MINDY1: variants seen among roughly 807,000 people sequenced by gnomAD.
MINDY1 encodes ubiquitin carboxyl-terminal hydrolase MINDY-1.
Under a neutral mutation model 53.6 loss-of-function variants are expected in MINDY1, and 50 were observed. That is an observed-to-expected ratio of 0.93 (90% CI 0.74 to 1.18). The LOEUF (loss-of-function observed/expected upper bound fraction) is 1.18, where lower values mean the gene tolerates loss of function less well. MINDY1 is among the 50% of genes most tolerant of loss of function. The pLI, the probability that MINDY1 is intolerant of heterozygous loss-of-function variation, is 0.00. For synonymous variants in MINDY1, 231 were observed against 234.7 expected (o/e 0.98, Z 0.14); for missense variants, 484 against 578.6 (o/e 0.84, Z 1.68).
At chr1:150,998,719 G>T (rs79366331) in intron 7 of MINDY1, among the ~76,000 whole-genome samples, 6,392 of 152,282 alleles carry the variant, frequency 0.042, 171 homozygotes, top group Non-Finnish European at 0.065. Context: ...ATGTCTGAGT[G>T]TATGTCCAGT....
intron 9 of MINDY1, 118 bp downstream of exon 9, chr1:150,997,506 G>A: frequency 6.4e-7 from 1 of 1,568,966 alleles, no homozygotes; most frequent in African/African-American, 1.3e-5. Context: ...GGGACAGGCA[G>A]GGGAAGGACT....
rs1284990092 is a variant in MINDY1 at position 151,000,517 on chromosome 1, C to T, written c.675G>A (p.Glu225=). 7 of 1,613,960 alleles carry T rather than the reference C, an allele frequency of 4.3e-6. No homozygotes were observed. The highest frequency in any genetic ancestry group is 5.9e-6 in the Non-Finnish European group (7 of 1,180,036). The change falls in exon 5 of 10, where the codon GAG becomes GAA. Residue 225 remains glutamate, a synonymous_variant. Coordinates refer to ENST00000683666, the MANE Select transcript of MINDY1 (RefSeq NM_001376665.1). ...TGVSDFEYTP[E]CSVFDLLGIP... is the part of the protein sequence containing the mutation. Reference sequence around the variant, plus strand: ...TGCCTAGCAGGTCAAAGACACTGCACTCGGGTGTATACTCAAAATCAGAGA... The same window carrying T: ...TGCCTAGCAGGTCAAAGACACTGCATTCGGGTGTATACTCAAAATCAGAGA...
intron 3 of MINDY1, 88 bp downstream of exon 3, chr1:151,001,637 T>C: frequency 6.8e-7 from 1 of 1,460,542 alleles, no homozygotes; most frequent in Non-Finnish European, 9.4e-7. Context: ...AACCCCCAAA[T>C]GGAGATCCCT....
chr1:151,003,111 A>G, intron 1 of MINDY1: 1 of 381,532 alleles, frequency 2.6e-6, no homozygotes, highest in South Asian at 7.1e-5. Context: ...TTACTCTAAT[A>G]GGCATCACAT....
chr1:150,998,565 C>T, intron 7 of MINDY1, among the ~76,000 whole-genome samples: 1 of 152,190 alleles, frequency 6.6e-6, no homozygotes, highest in Non-Finnish European at 1.5e-5. Context: ...ACCGTGTTAG[C>T]CAGGATGGCC....
At chr1:150,996,712 T>C (rs1336556271), downstream of MINDY1, 1 of 151,856 alleles carries the variant, frequency 6.6e-6, no homozygotes, top group Non-Finnish European at 1.5e-5. Flanking sequence ...CCAGCTAATT[T>C]CTTGTATTTT....
Position 150,999,648 on chromosome 1 carries a change from T to A in MINDY1, c.839-137A>T. 2 of 1,222,990 alleles carry A rather than the reference T, an allele frequency of 1.6e-6. No homozygotes were observed. Among genetic ancestry groups the A allele is most frequent in the Non-Finnish European group, 2.3e-6 (2 of 880,654 alleles). The allele number at this position is 1,222,990 out of a possible 1,614,324, so 75.8% of individuals were successfully genotyped here. A position where few individuals can be genotyped will look rare whatever the true frequency, so the allele number is the denominator to read the frequency against. On this transcript the variant is annotated intron_variant, in intron 6 of 9. Coordinates refer to ENST00000683666, the MANE Select transcript of MINDY1 (RefSeq NM_001376665.1). This position sits in a 1 kb window ranked among gnomAD's most constrained non-coding sequence, Gnocchi z 4.4. ...TGACGTCCCTTTCTTGAAACCTGGCTGTATTCATTCACTTAACAAATACTT... is the reference window on the plus strand; with the variant it reads ...TGACGTCCCTTTCTTGAAACCTGGCAGTATTCATTCACTTAACAAATACTT...
Position 150,999,757 on chromosome 1 carries a change from C to T in MINDY1, c.838+105G>A. The T allele has an allele frequency of 8.9e-7, 1 of 1,128,508 alleles. No individual in the cohort carries two copies. Among genetic ancestry groups the T allele is most frequent in the East Asian group, 2.5e-5 (1 of 40,440 alleles). The allele number at this position is 1,128,508 out of a possible 1,614,324, so 69.9% of individuals were successfully genotyped here. On this transcript the variant is annotated intron_variant, in intron 6 of 9. Transcript: ENST00000683666. This position sits in a 1 kb window ranked among gnomAD's most constrained non-coding sequence, Gnocchi z 4.4. ...ATTCCCCAAGCTCCTTCTTGTGAAG[C>T]TTATATCTAGTGGGATGTGGTAGGA... is the stretch of plus-strand genomic sequence containing the variant.
At position 150,997,310 on chromosome 1, in the gene MINDY1, C is replaced by A. The variant is rs761099204; in HGVS notation, c.1387G>T (p.Glu463Ter). Residue 463 changes from glutamate to a stop codon, truncating the protein, a stop_gained, in exon 10 of 10, where the codon GAG becomes TAG. Transcript: ENST00000683666. LOFTEE classifies it high-confidence loss of function. ...AGERRQRPKHESDCILL is the reference protein window; with the variant it reads ...AGERRQRPKH ...AGCTACAGCAGAATGCAGTCTGACT[C>A]GTGCTTCGGCCTCTGCCGACGCTCC... 8.8e-6 allele frequency: 14 copies of A among 1,597,228 alleles called. No homozygotes were observed. In the Admixed American group the frequency reaches 1.4e-4, roughly 16 times the overall value.
intron 1 of MINDY1, among the ~76,000 whole-genome samples, chr1:151,005,057 TTCTC>T (rs1193390386): frequency 1.3e-5 from 2 of 151,828 alleles, no homozygotes; most frequent in African/African-American, 4.9e-5. Flanking sequence ...ATGCTTTTTT[TTCTC>T]TCTCTTTCTC....
chr1:150,998,301 G>A (rs779931665), intron 7 of MINDY1, 28 bp from the exon 8 acceptor site: 9 of 1,586,824 alleles, frequency 5.7e-6, no homozygotes, highest in South Asian at 1.1e-5. Context: ...GAGCTCATTG[G>A]GGGGACAGTT....
intron 5 of MINDY1, 32 bp downstream of exon 5, chr1:151,000,425 G>C: frequency 1.3e-6 from 2 of 1,560,460 alleles, no homozygotes; most frequent in Non-Finnish European, 1.7e-6. Context: ...GCTTGAGCTG[G>C]ATAAGGTCCC....
intron 1 of MINDY1, among the ~76,000 whole-genome samples, chr1:151,004,989 A>G (rs746272965): frequency 2.0e-5 from 3 of 152,192 alleles, no homozygotes; most frequent in South Asian, 4.1e-4. Context: ...TGCTAGCTGC[A>G]TATCATTTAC....
At chr1:151,008,367 C>A (rs745567400), upstream of MINDY1, 2 of 1,282,688 alleles carry the variant, frequency 1.6e-6, no homozygotes, top group Non-Finnish European at 2.0e-6. Flanking sequence ...CCCTTGGCCT[C>A]GCCGGAAAGA....
At chr1:151,001,137 T>C (rs1672519327) in intron 4 of MINDY1, 113 bp downstream of exon 4, 4 of 1,114,530 alleles carry the variant, frequency 3.6e-6, no homozygotes, top group Non-Finnish European at 4.0e-6. Context: ...TCCTGCAGAA[T>C]GAAATCATGG....
chr1:150,999,398 T>G lies in MINDY1; in HGVS notation c.952A>C (p.Asn318His). 3 of 1,614,116 alleles carry G rather than the reference T, an allele frequency of 1.9e-6. No individual in the cohort carries two copies. Among genetic ancestry groups the G allele is most frequent in the Non-Finnish European group, 2.5e-6 (3 of 1,180,034 alleles). ...TGCTTAGTCATGGTGCTAAAGTGGT[T>G]GTTTCGGAAAAAGACGCTAAGTTCA... ...EGELSVFFRN[N>H]HFSTMTKHKS... Residue 318 changes from asparagine to histidine, a missense_variant, in exon 7 of 10, where the codon AAC becomes CAC. Transcript: ENST00000683666. The surrounding 1 kb of genome is among the most constrained non-coding windows in gnomAD (Gnocchi z 4.4).
rs956144222 is a variant in MINDY1, at chr1:150,997,909, G to A, written c.1174-130C>T. 242 of 1,181,518 alleles carry A rather than the reference G, an allele frequency of 2.0e-4. 1 individual carries two copies. The highest frequency in any genetic ancestry group is 2.5e-4 in the Non-Finnish European group (217 of 853,768). The allele number at this position is 1,181,518 out of a possible 1,614,324, so 73.2% of individuals were successfully genotyped here. ...TTCTCCCCACAGAGCAGCACACACA[G>A]CCAAATGCATTATCTGTGGTGCCAG... On this transcript the variant is annotated intron_variant, in intron 8 of 9. Transcript: ENST00000683666.
Position 150,998,220 on chromosome 1 carries a change from G to A in MINDY1, c.1035C>T (p.Val345=), listed in dbSNP as rs1186797977. The A allele has an allele frequency of 2.5e-6, 4 of 1,614,144 alleles. No individual in the cohort carries two copies. The highest frequency in any genetic ancestry group is 1.6e-4 in the Middle Eastern group (1 of 6,062). ...CCACATTGTGCAGGCTCTCCCATAC[G>A]ACTTGCTCCTCCTGTAGAAAGCCCT... ...TDQGFLQEEQ[V]VWESLHNVDG... is the part of the protein sequence containing the mutation. Residue 345 remains valine, a synonymous_variant, in exon 8 of 10, where the codon GTC becomes GTT. Coordinates refer to ENST00000683666, the MANE Select transcript of MINDY1 (RefSeq NM_001376665.1).
chr1:151,005,143 T>G (rs1673032666), intron 1 of MINDY1, among the ~76,000 whole-genome samples: 1 of 151,710 alleles, frequency 6.6e-6, no homozygotes, highest in Admixed American at 6.6e-5. Context: ...CCTGGAAAAG[T>G]GAAAAAGCTT....
Sources: allele counts gnomAD v4.1 joint callset (sites outside exome capture counted in the v4.1 genomes callset), GRCh38; gene constraint gnomAD v4.1.1; non-coding constraint Gnocchi (gnomAD v3.1); transcripts MANE v1.5; gene names NCBI Gene and HGNC (gene_info 2026-07-23, HGNC 2026-07-21).